FSTL4: variants seen among roughly 807,000 people sequenced by gnomAD.
FSTL4 encodes the protein follistatin-related protein 4.
FSTL4 carries 28 observed loss-of-function variants against 78.2 expected under a neutral mutation model. That is an observed-to-expected ratio of 0.36 (90% CI 0.27 to 0.49). The LOEUF is 0.49. Among genes scored for constraint, FSTL4 ranks in the 20% least tolerant of loss-of-function variants. The pLI is 0.98. For missense variants in FSTL4, 922 were observed against 1,084.9 expected, an observed-to-expected ratio of 0.85 and a Z score of 2.11; for synonymous variants, 422 against 440.5, an observed-to-expected ratio of 0.96 and a Z score of 0.53.
chr5:133,540,720 C>CAAAAAAAAAAAAAAAAAAA (rs79162509), intron 3 of FSTL4, among the ~76,000 whole-genome samples: 11 of 70,262 alleles, frequency 1.6e-4, no homozygotes, highest in African/African-American at 2.9e-4. Context: ...TTAACATAGG[C>CAAAAAAAAAAAAAAAAAAA]AAAAAAAAAA....
intron 6 of FSTL4, among the ~76,000 whole-genome samples, chr5:133,277,750 C>G (rs1204096232): frequency 6.6e-6 from 1 of 152,200 alleles, no homozygotes; most frequent in East Asian, 1.9e-4. Flanking sequence ...TCTGGGGGAT[C>G]CTGGGGCCCT....
chr5:133,697,844 T>C, the FSTL4 span, among the ~76,000 whole-genome samples: 1 of 152,254 alleles, frequency 6.6e-6, no homozygotes, highest in Middle Eastern at 3.4e-3. Context: ...TCTCAACAGA[T>C]AATTTCCTGC....
At chr5:133,211,158 C>T (rs1750699199) in intron 13 of FSTL4, among the ~76,000 whole-genome samples, 1 of 152,240 alleles carries the variant, frequency 6.6e-6, no homozygotes, top group African/African-American at 2.4e-5. Flanking sequence ...TCTTTTTTAA[C>T]TGCAGTACTG....
chr5:133,282,703 T>C (rs1484731868), intron 6 of FSTL4, among the ~76,000 whole-genome samples: 1 of 152,038 alleles, frequency 6.6e-6, no homozygotes, highest in Non-Finnish European at 1.5e-5. Context: ...CACCAGTGAG[T>C]GAAGCCTGCT....
intron 7 of FSTL4, chr5:133,246,787 CAAT>C (rs375928523): frequency 3.8e-4 from 58 of 152,230 alleles, no homozygotes; most frequent in African/African-American, 1.3e-3. Flanking sequence ...AATAATAATA[CAAT>C]AATAATATTA....
intron 3 of FSTL4, among the ~76,000 whole-genome samples, chr5:133,540,030 A>G (rs373820): frequency 0.42 from 63,010 of 150,912 alleles, 13,583 homozygotes; most frequent in African/African-American, 0.52. Context: ...AGTGTGGGTG[A>G]GTCTCATCCA....
intron 3 of FSTL4, among the ~76,000 whole-genome samples, chr5:133,467,429 G>A (rs577317505): frequency 5.9e-5 from 9 of 152,184 alleles, no homozygotes; most frequent in South Asian, 2.1e-4. Flanking sequence ...TGTCTGATAC[G>A]TTGTCTCCTA....
At chr5:133,251,915 C>T (rs1204371830) in intron 6 of FSTL4, among the ~76,000 whole-genome samples, 3 of 152,192 alleles carry the variant, frequency 2.0e-5, no homozygotes, top group Admixed American at 1.3e-4. Context: ...GTACACCAGA[C>T]TGTGAGCCCA....
intron 3 of FSTL4, among the ~76,000 whole-genome samples, chr5:133,540,720 C>CAAAAAAAAA (rs79162509): frequency 1.4e-4 from 10 of 70,248 alleles, no homozygotes; most frequent in African/African-American, 2.8e-4. Flanking sequence ...TTAACATAGG[C>CAAAAAAAAA]AAAAAAAAAA....
At chr5:133,773,257 C>CAA in the FSTL4 span, among the ~76,000 whole-genome samples, 9 of 128,584 alleles carry the variant, frequency 7.0e-5, no homozygotes, top group Non-Finnish European at 1.2e-4. Flanking sequence ...TTCATATGAC[C>CAA]AAAAAAAAAA....
At chr5:133,519,599 G>A (rs1472144266) in intron 3 of FSTL4, among the ~76,000 whole-genome samples, 1 of 152,372 alleles carries the variant, frequency 6.6e-6, no homozygotes, top group East Asian at 1.9e-4. Flanking sequence ...GGCAATAGCA[G>A]TAATGATGGT....
chr5:133,779,835 G>A, the FSTL4 span, among the ~76,000 whole-genome samples: 4 of 152,178 alleles, frequency 2.6e-5, no homozygotes, highest in South Asian at 8.3e-4. Flanking sequence ...GTCTGTCCCA[G>A]GTTTCCCAGA....
chr5:133,698,531 G>A, the FSTL4 span, among the ~76,000 whole-genome samples: 1 of 152,252 alleles, frequency 6.6e-6, no homozygotes, highest in Non-Finnish European at 1.5e-5. Flanking sequence ...ACTATTACAT[G>A]CGATAATGCA....
intron 4 of FSTL4, among the ~76,000 whole-genome samples, chr5:133,400,166 A>C (rs1225840142): frequency 6.6e-6 from 1 of 152,186 alleles, no homozygotes; most frequent in Non-Finnish European, 1.5e-5. Flanking sequence ...TAAAGCATGA[A>C]TCCTTGGCCC....
intron 4 of FSTL4, among the ~76,000 whole-genome samples, chr5:133,340,664 A>G (rs1322096142): frequency 2.6e-5 from 4 of 152,162 alleles, no homozygotes; most frequent in African/African-American, 9.7e-5. Flanking sequence ...AGATGAGCCT[A>G]AAACCCATTT....
chr5:133,358,591 C>CTTTTTTTT (rs1173835923), intron 4 of FSTL4, among the ~76,000 whole-genome samples: 4 of 115,428 alleles, frequency 3.5e-5, no homozygotes, highest in East Asian at 2.8e-4. Flanking sequence ...GGTTCTATTT[C>CTTTTTTTT]TTTTTTTTTT....
At chr5:133,409,612 A>G (rs1364933134) in intron 3 of FSTL4, among the ~76,000 whole-genome samples, 1 of 152,214 alleles carries the variant, frequency 6.6e-6, no homozygotes, top group African/African-American at 2.4e-5. Context: ...ACAGCTGCTC[A>G]GAACTCCAGG....
At chr5:133,215,191 C>G (rs977941173) in intron 13 of FSTL4, among the ~76,000 whole-genome samples, 1 of 152,116 alleles carries the variant, frequency 6.6e-6, no homozygotes, top group Non-Finnish European at 1.5e-5. Context: ...TCTCTTTATC[C>G]TAATTTTTTC....
chr5:133,768,134 C>T, the FSTL4 span, among the ~76,000 whole-genome samples: 48 of 152,186 alleles, frequency 3.2e-4, no homozygotes, highest in Admixed American at 2.9e-3. Context: ...CTTTCCTACA[C>T]GAAGGTATTC....
Sources: gnomAD v4.1 joint callset for allele counts (sites outside exome capture counted in the v4.1 genomes callset) on GRCh38, gnomAD v4.1.1 for gene constraint, MANE v1.5 for transcripts, NCBI Gene and HGNC (gene_info 2026-07-23, HGNC 2026-07-21) for gene names.